Variants in HNRNPC observed in about 807,000 individuals in gnomAD.
HNRNPC encodes the protein heterogeneous nuclear ribonucleoproteins C1/C2.
A neutral mutation model predicts 33.2 loss-of-function variants in HNRNPC; 3 were observed. That is an observed-to-expected ratio of 0.09 (90% CI 0.04 to 0.23). HNRNPC has a LOEUF of 0.23. Among genes scored for constraint, HNRNPC ranks in the 10% least tolerant of loss-of-function variants. HNRNPC has a pLI of 1.00. For missense variants in HNRNPC, 143 were observed against 366.7 expected (o/e 0.39, Z 4.98); for synonymous variants, 121 against 126.7 (o/e 0.96, Z 0.30).
intron 2 of HNRNPC, among the ~76,000 whole-genome samples, chr14:21,246,845 C>T (rs1017908692): frequency 3.9e-5 from 6 of 152,138 alleles, no homozygotes; most frequent in African/African-American, 1.4e-4. Context: ...AATGTGAGGA[C>T]AATGAAGAAG....
intron 5 of HNRNPC, among the ~76,000 whole-genome samples, chr14:21,222,066 A>ATG: frequency 8.0e-6 from 1 of 125,776 alleles, no homozygotes; most frequent in South Asian, 2.6e-4. Context: ...AAAAAAAAAA[A>ATG]GCTGAAAAAC....
At chr14:21,238,067 G>A (rs949045391) in intron 2 of HNRNPC, among the ~76,000 whole-genome samples, 9 of 152,058 alleles carry the variant, frequency 5.9e-5, no homozygotes, top group African/African-American at 1.2e-4. Context: ...CACTGCACTC[G>A]GCCCTGATCC....
chr14:21,256,531 G>A (rs780359230), intron 2 of HNRNPC, among the ~76,000 whole-genome samples: 1 of 152,024 alleles, frequency 6.6e-6, no homozygotes, highest in Non-Finnish European at 1.5e-5. Context: ...TAGTGGGGAG[G>A]GACAAAAGAA....
rs1226499729 is a variant in HNRNPC, at chr14:21,211,523, G to A, written c.681C>T (p.Ser227=). 1.9e-6 allele frequency: 3 copies of A among 1,612,282 alleles called. No individual in the cohort carries two copies. The highest frequency in any genetic ancestry group is 8.5e-7 in the Non-Finnish European group (1 of 1,179,404). Reference sequence around the variant, plus strand: ...CATTAGTCTCATCTTTCTTCACGGAGCTGCTGCTCTGCTCCTCTTCTGACT... The same window carrying A: ...CATTAGTCTCATCTTTCTTCACGGAACTGCTGCTCTGCTCCTCTTCTGACT... ...NDKSEEEQSS[S]SVKKDETNVK... The change falls in exon 8 of 9, where the codon AGC becomes AGT. Residue 227 remains serine, a synonymous_variant. Coordinates refer to ENST00000553300, the MANE Select transcript of HNRNPC (RefSeq NM_004500.4).
intron 2 of HNRNPC, among the ~76,000 whole-genome samples, chr14:21,243,061 G>A (rs1895544219): frequency 6.6e-6 from 1 of 152,136 alleles, no homozygotes; most frequent in Admixed American, 6.5e-5. Context: ...AGAAGTGGAG[G>A]CTGCAATGAG....
intron 1 of HNRNPC, among the ~76,000 whole-genome samples, chr14:21,266,886 T>A (rs1879075370): frequency 6.8e-6 from 1 of 146,594 alleles, no homozygotes; most frequent in Non-Finnish European, 1.5e-5. Flanking sequence ...AGCTCAGGAG[T>A]TCGAGACCAG....
At chr14:21,261,832 G>A (rs906723336) in intron 2 of HNRNPC, among the ~76,000 whole-genome samples, 4 of 152,214 alleles carry the variant, frequency 2.6e-5, no homozygotes, top group African/African-American at 9.6e-5. Flanking sequence ...GCTGCAGTGA[G>A]TAAAATACTA....
At chr14:21,245,477 C>A (rs1256097732) in intron 2 of HNRNPC, among the ~76,000 whole-genome samples, 2 of 151,154 alleles carry the variant, frequency 1.3e-5, no homozygotes, top group Non-Finnish European at 2.9e-5. Context: ...AGCCTGGCAA[C>A]AAAGCGAGAC....
rs1891618577 is a variant in HNRNPC, at chr14:21,211,648, G to A, written c.638-82C>T. 2.1e-5 allele frequency: 32 copies of A among 1,497,914 alleles called. 1 individual carries two copies. The highest frequency in any genetic ancestry group is 3.5e-4 in the Middle Eastern group (2 of 5,748). The allele number at this position is 1,497,914 out of a possible 1,614,324, so 92.8% of individuals were successfully genotyped here. Reference sequence around the variant, plus strand: ...AATCCCCACTAAGGATCACAGAACTGCAGCACAAATCTAAATCCTCCCACA... The same window carrying A: ...AATCCCCACTAAGGATCACAGAACTACAGCACAAATCTAAATCCTCCCACA... On this transcript the variant is annotated intron_variant, in intron 7 of 8. Coordinates refer to ENST00000553300, the MANE Select transcript of HNRNPC (RefSeq NM_004500.4).
chr14:21,220,392 T>A (rs575226986), intron 5 of HNRNPC, among the ~76,000 whole-genome samples: 1 of 152,210 alleles, frequency 6.6e-6, no homozygotes, highest in Non-Finnish European at 1.5e-5. Context: ...CACGCCCAGC[T>A]AATTTTTTGT....
At position 21,238,659 on chromosome 14, in the gene HNRNPC, A is replaced by G. The variant is rs543867803; in HGVS notation, c.-36-4430T>C. ...TATATACTCAAATATTTTGAGGTCA[A>G]TGCCCCTCATCATCATATTTCCCCT... is the stretch of plus-strand genomic sequence containing the variant. On this transcript the variant is annotated intron_variant, in intron 2 of 8. Transcript: ENST00000553300. Among the ~76,000 whole-genome samples the G allele has an allele frequency of 5.3e-5, 8 of 152,282 alleles. No individual in the cohort carries two copies. The South Asian group carries it at 6.2e-4, about 12-fold the overall frequency.
At position 21,209,739 on chromosome 14, in the gene HNRNPC, T is replaced by C. The variant is rs1891423329; in HGVS notation, c.*1484A>G. 6.6e-6 allele frequency: 1 copy of C among 152,114 alleles called. No individual in the cohort carries two copies. Among genetic ancestry groups the C allele is most frequent in the East Asian group, 1.9e-4 (1 of 5,198 alleles). The allele number at this position is 152,114 out of a possible 1,614,324, so 9.4% of individuals were successfully genotyped here. ...CGCATGCTATGAAACAATAGCAACT[T>C]TACAGGGGAATCCAAGGTTTGTGTG... On this transcript the variant is annotated 3_prime_UTR_variant, in exon 9 of 9. Coordinates refer to ENST00000553300, the MANE Select transcript of HNRNPC (RefSeq NM_004500.4).
At position 21,243,235 on chromosome 14, in the gene HNRNPC, T is replaced by C. The variant is rs1157902095; in HGVS notation, c.-36-9006A>G. On this transcript the variant is annotated intron_variant, in intron 2 of 8. Transcript: ENST00000553300. ...TTGATGTTCATTATTCTTTTGATAA[T>C]ATTTTGGTGGCATGTATTTCCTTTA... 2.0e-5 allele frequency among the ~76,000 whole-genome samples: 3 copies of C among 152,174 alleles called. No individual in the cohort carries two copies. The South Asian group carries it at 6.2e-4, about 32-fold the overall frequency.
At chr14:21,215,573 ACT>A (rs1892065858) in intron 5 of HNRNPC, among the ~76,000 whole-genome samples, 1 of 152,140 alleles carries the variant, frequency 6.6e-6, no homozygotes, top group South Asian at 2.1e-4. Context: ...AAATTAAAAC[ACT>A]CTAGAGACAT....
At chr14:21,263,675 T>A (rs1424303991) in intron 1 of HNRNPC, 1 of 152,156 alleles carries the variant, frequency 6.6e-6, no homozygotes, top group Non-Finnish European at 1.5e-5. Context: ...ACCTGTACAT[T>A]TGCTGTAGTG....
At chr14:21,244,986 G>A (rs1458690180) in intron 2 of HNRNPC, among the ~76,000 whole-genome samples, 2 of 150,484 alleles carry the variant, frequency 1.3e-5, no homozygotes, top group Non-Finnish European at 2.9e-5. Context: ...TCAGGAGGCT[G>A]AGGCAGGAGA....
chr14:21,233,533 T>C (rs577517186), intron 3 of HNRNPC, among the ~76,000 whole-genome samples: 1 of 152,150 alleles, frequency 6.6e-6, no homozygotes, highest in African/African-American at 2.4e-5. Context: ...TACTCTGAGG[T>C]GTCATTACAT....
intron 2 of HNRNPC, among the ~76,000 whole-genome samples, chr14:21,251,898 AT>A (rs1896723471): frequency 6.6e-6 from 1 of 152,156 alleles, no homozygotes; most frequent in African/African-American, 2.4e-5. Flanking sequence ...CAAATGCAAA[AT>A]TTGTCAGAGA....
At chr14:21,267,895 GCA>G (rs1262347895) in intron 1 of HNRNPC, among the ~76,000 whole-genome samples, 32 of 152,188 alleles carry the variant, frequency 2.1e-4, no homozygotes, top group African/African-American at 7.2e-4. Context: ...TAACAGTTCA[GCA>G]CAATGATAAA....
Sources: gnomAD v4.1 joint callset for allele counts (sites outside exome capture counted in the v4.1 genomes callset) on GRCh38, gnomAD v4.1.1 for gene constraint, MANE v1.5 for transcripts, NCBI Gene and HGNC (gene_info 2026-07-23, HGNC 2026-07-21) for gene names.